Variants in MAN2A1 observed in about 807,000 individuals in gnomAD.
The protein encoded by MAN2A1 is alpha-mannosidase 2.
Under a neutral mutation model 142.6 loss-of-function variants are expected in MAN2A1, and 76 were observed. The observed-to-expected ratio is 0.53, with a 90% CI of 0.44 to 0.65. The LOEUF is 0.65. Among genes scored for constraint, MAN2A1 ranks in the 30% least tolerant of loss-of-function variants. The pLI, the probability that MAN2A1 is intolerant of heterozygous loss-of-function variation, is 0.00. For synonymous variants in MAN2A1, 559 were observed against 473.2 expected (o/e 1.18, Z -2.35); for missense variants, 1,311 against 1,365.1 (o/e 0.96, Z 0.62).
At chr5:109,708,946 C>T (rs183859160) in intron 1 of MAN2A1, among the ~76,000 whole-genome samples, 190 of 152,342 alleles carry the variant, frequency 1.2e-3, no homozygotes, top group Non-Finnish European at 2.3e-3. Context: ...CACACACCGT[C>T]TCCTCTGGAA....
rs768645707 is a variant in MAN2A1, at chr5:109,708,543, CACAT to C, written c.136-4976_136-4973del. Among the ~76,000 whole-genome samples the C allele has an allele frequency of 6.6e-5, 10 of 151,504 alleles. 1 individual carries two copies. Among genetic ancestry groups the C allele is most frequent in the Admixed American group, 1.3e-4 (2 of 15,216 alleles). ...ACACACACACACACACACACACACA[CACAT>C]GAGAAGGGAGTTATTAGGAGAATTG... On this transcript the variant is annotated intron_variant, in intron 1 of 21. Coordinates refer to ENST00000261483, the MANE Select transcript of MAN2A1 (RefSeq NM_002372.4).
chr5:109,754,494 CAT>C (rs1363338017), intron 4 of MAN2A1, among the ~76,000 whole-genome samples: 3 of 152,156 alleles, frequency 2.0e-5, no homozygotes, highest in Non-Finnish European at 4.4e-5. Flanking sequence ...TTCCCAGAGT[CAT>C]GTGGTATTTA....
chr5:109,748,121 A>C (rs1183596864), intron 4 of MAN2A1, among the ~76,000 whole-genome samples: 4 of 152,128 alleles, frequency 2.6e-5, no homozygotes, highest in African/African-American at 9.7e-5. Flanking sequence ...TAATGCTCTT[A>C]TTTTAAAATA....
intron 12 of MAN2A1, among the ~76,000 whole-genome samples, chr5:109,790,743 T>A (rs1317489639): frequency 1.3e-5 from 2 of 152,080 alleles, no homozygotes; most frequent in Non-Finnish European, 2.9e-5. Context: ...TCTATTAACT[T>A]TTCTTTCTTT....
chr5:109,804,719 A>G (rs1329589105), intron 12 of MAN2A1, among the ~76,000 whole-genome samples: 1 of 152,146 alleles, frequency 6.6e-6, no homozygotes. Context: ...ATGTGAAGAG[A>G]TGTAGCACTA....
chr5:109,832,478 C>T (rs1754938227), intron 16 of MAN2A1, among the ~76,000 whole-genome samples: 2 of 152,044 alleles, frequency 1.3e-5, no homozygotes, highest in South Asian at 4.2e-4. Context: ...TTTCAGAGAG[C>T]AAGGGGTTGG....
intron 20 of MAN2A1, chr5:109,864,390 G>A (rs1755829822): frequency 6.6e-6 from 1 of 152,256 alleles, no homozygotes; most frequent in East Asian, 1.9e-4. Flanking sequence ...TAGCTGACTT[G>A]TCATGTTTAG....
chr5:109,809,419 G>A (rs1156807928), intron 12 of MAN2A1, among the ~76,000 whole-genome samples: 2 of 151,674 alleles, frequency 1.3e-5, no homozygotes, highest in East Asian at 3.9e-4. Flanking sequence ...AAGACTTAAC[G>A]TTTCTTTCAG....
At chr5:109,847,588 T>C in intron 18 of MAN2A1, 69 bp from the exon 19 acceptor site, 2 of 1,327,340 alleles carry the variant, frequency 1.5e-6, no homozygotes, top group East Asian at 5.9e-5. Flanking sequence ...GCTACTTAAG[T>C]GATGCTCAAT....
chr5:109,861,668 T>C lies in MAN2A1; in HGVS notation c.3172-3368T>C, dbSNP rs576969092. ...GACCTAGAGATATGATAGATAACTG[T>C]CAAGGGCACACAGCCAGTAATGTGG... On this transcript the variant is annotated intron_variant, in intron 20 of 21. Transcript: ENST00000261483. Among the ~76,000 whole-genome samples the C allele has an allele frequency of 1.1e-4, 17 of 152,280 alleles. No homozygotes were observed. The South Asian group carries it at 3.3e-3, about 30-fold the overall frequency.
intron 20 of MAN2A1, among the ~76,000 whole-genome samples, chr5:109,857,644 G>T (rs556738617): frequency 1.3e-5 from 2 of 152,288 alleles, no homozygotes; most frequent in South Asian, 2.1e-4. Context: ...CCTGGAACTT[G>T]TTTTTTATGT....
At chr5:109,855,119 A>G in intron 19 of MAN2A1, 21 bp from the exon 20 acceptor site, 1 of 1,449,158 alleles carries the variant, frequency 6.9e-7, no homozygotes, top group Non-Finnish European at 9.2e-7. Flanking sequence ...CCTCTTAAAC[A>G]TTTTTGTTTT....
chr5:109,730,490 G>T (rs577161251), intron 4 of MAN2A1, among the ~76,000 whole-genome samples: 50 of 151,582 alleles, frequency 3.3e-4, no homozygotes, highest in African/African-American at 1.2e-3. Context: ...CTCCAATCTA[G>T]AGGTCAAATA....
At chr5:109,700,211 T>C (rs1750936956) in intron 1 of MAN2A1, among the ~76,000 whole-genome samples, 1 of 152,138 alleles carries the variant, frequency 6.6e-6, no homozygotes, top group Admixed American at 6.5e-5. Flanking sequence ...AAAATCATTT[T>C]ACAACTCATT....
intron 19 of MAN2A1, 178 bp from the exon 20 acceptor site, chr5:109,854,962 T>A: frequency 4.8e-6 from 2 of 418,598 alleles, no homozygotes; most frequent in Non-Finnish European, 8.3e-6. Context: ...TTATTTTCTT[T>A]TATTGCTTAC....
chr5:109,773,486 A>T (rs1317447475), intron 7 of MAN2A1, among the ~76,000 whole-genome samples: 1 of 151,744 alleles, frequency 6.6e-6, no homozygotes, highest in Admixed American at 6.6e-5. Context: ...CCTTCTTTCT[A>T]TGTGGTCAAT....
At chr5:109,721,694 A>G (rs1343173888) in intron 3 of MAN2A1, among the ~76,000 whole-genome samples, 1 of 152,158 alleles carries the variant, frequency 6.6e-6, no homozygotes, top group African/African-American at 2.4e-5. Flanking sequence ...GGAAGAATAG[A>G]TGGTTTGGTC....
intron 9 of MAN2A1, among the ~76,000 whole-genome samples, chr5:109,783,196 A>AG (rs1401640336): frequency 6.6e-6 from 1 of 152,176 alleles, no homozygotes; most frequent in African/African-American, 2.4e-5. Context: ...GGTTACTGCT[A>AG]GTAATATATT....
chr5:109,692,530 C>A (rs903977476), intron 1 of MAN2A1, among the ~76,000 whole-genome samples: 1 of 151,986 alleles, frequency 6.6e-6, no homozygotes, highest in Non-Finnish European at 1.5e-5. Context: ...ACTTAAGTGG[C>A]GAGGGGACTG....
Sources: gnomAD v4.1 joint callset for allele counts (sites outside exome capture counted in the v4.1 genomes callset) on GRCh38, gnomAD v4.1.1 for gene constraint, MANE v1.5 for transcripts, NCBI Gene and HGNC (gene_info 2026-07-23, HGNC 2026-07-21) for gene names.